Variants in CSDE1 observed in about 807,000 individuals in gnomAD.
CSDE1 encodes cold shock domain containing E1.
A neutral mutation model predicts 89.3 loss-of-function variants in CSDE1; 17 were observed. That is an observed-to-expected ratio of 0.19 (90% CI 0.13 to 0.29). CSDE1 has a LOEUF of 0.29. CSDE1 is among the 10% of genes least tolerant of loss of function. The pLI, the probability that CSDE1 is intolerant of heterozygous loss-of-function variation, is 1.00. For synonymous variants in CSDE1, 322 were observed against 332.8 expected, an observed-to-expected ratio of 0.97 and a Z score of 0.35; for missense variants, 672 against 984.2, an observed-to-expected ratio of 0.68 and a Z score of 4.24.
intron 2 of CSDE1, among the ~76,000 whole-genome samples, chr1:114,743,118 G>T (rs1352737603): frequency 2.0e-5 from 3 of 152,120 alleles, no homozygotes; most frequent in Non-Finnish European, 4.4e-5. Context: ...CTTTCAAGCT[G>T]TGCTTCTTTC....
intron 4 of CSDE1, 109 bp downstream of exon 4, chr1:114,737,842 CTTTATATACTAT>C: frequency 1.4e-6 from 1 of 711,602 alleles, no homozygotes; most frequent in Admixed American, 2.6e-5. Flanking sequence ...AAATAGTAAT[CTTTATATACTAT>C]AGCTCTCTTT....
At chr1:114,750,305 C>G (rs1298209756) in intron 1 of CSDE1, 98 bp from the exon 2 acceptor site, 3 of 152,184 alleles carry the variant, frequency 2.0e-5, no homozygotes, top group African/African-American at 7.2e-5. Flanking sequence ...AACTTAGAAT[C>G]ATGGGTCATG....
At chr1:114,721,625 C>T (rs1321452727) in intron 16 of CSDE1, among the ~76,000 whole-genome samples, 1 of 152,160 alleles carries the variant, frequency 6.6e-6, no homozygotes, top group Non-Finnish European at 1.5e-5. Context: ...GGGTCTCGCT[C>T]TGCTACCCAG....
At chr1:114,750,558 A>G (rs1029238845) in intron 1 of CSDE1, among the ~76,000 whole-genome samples, 1 of 152,214 alleles carries the variant, frequency 6.6e-6, no homozygotes, top group Admixed American at 6.5e-5. Flanking sequence ...GAGAGCATAG[A>G]CAATCTTGCT....
At chr1:114,732,006 G>T (rs1370812007) in intron 10 of CSDE1, among the ~76,000 whole-genome samples, 1 of 151,992 alleles carries the variant, frequency 6.6e-6, no homozygotes, top group Non-Finnish European at 1.5e-5. Context: ...GTAGAGACGG[G>T]GTTTTACCAT....
At position 114,730,488 on chromosome 1, in the gene CSDE1, T is replaced by C. The variant is rs1475844601; in HGVS notation, c.1191+20A>G. ...AAAGCATCAAGAAACACCTCCCAAC[T>C]TTTCTCAGAAACAACTCACAGGAAC... On this transcript the variant is annotated intron_variant, in intron 11 of 19. Coordinates refer to ENST00000358528, the MANE Select transcript of CSDE1 (RefSeq NM_001007553.3). The C allele has an allele frequency of 1.9e-6, 3 of 1,612,586 alleles. No individual in the cohort carries two copies. Among genetic ancestry groups the C allele is most frequent in the Non-Finnish European group, 2.5e-6 (3 of 1,179,340 alleles).
chr1:114,731,853 C>T (rs1475666048), intron 10 of CSDE1, among the ~76,000 whole-genome samples: 1 of 152,192 alleles, frequency 6.6e-6, no homozygotes, highest in African/African-American at 2.4e-5. Context: ...CTTCCTCTGT[C>T]ACCCAGGTTG....
chr1:114,753,690 G>C (rs1467123652), intron 1 of CSDE1, among the ~76,000 whole-genome samples: 1 of 152,138 alleles, frequency 6.6e-6, no homozygotes, highest in Non-Finnish European at 1.5e-5. Flanking sequence ...GGCCAAGGTG[G>C]GAGGATTGTC....
chr1:114,745,502 CACTT>C (rs1468639262), intron 2 of CSDE1, among the ~76,000 whole-genome samples: 5 of 152,130 alleles, frequency 3.3e-5, no homozygotes, highest in Admixed American at 2.6e-4. Flanking sequence ...GATGAGAAAA[CACTT>C]AGCCATCTTA....
intron 2 of CSDE1, among the ~76,000 whole-genome samples, chr1:114,748,965 G>A (rs535214494): frequency 6.6e-6 from 1 of 152,278 alleles, no homozygotes; most frequent in South Asian, 2.1e-4. Context: ...ATTGGGCCAA[G>A]CCTCCAGCAA....
chr1:114,734,408 A>C, intron 7 of CSDE1, 34 bp downstream of exon 7: 1 of 1,588,438 alleles, frequency 6.3e-7, no homozygotes, highest in Non-Finnish European at 8.6e-7. Flanking sequence ...CAAGTGGCCA[A>C]AGAAAACTCA....
In CSDE1 at chr1:114,732,779, A is replaced by C. The variant is rs1465132021; in HGVS notation, c.875T>G (p.Val292Gly). 1 of 1,614,232 alleles carries C rather than the reference A, an allele frequency of 6.2e-7. No individual in the cohort carries two copies. Among genetic ancestry groups the C allele is most frequent in the South Asian group, 1.1e-5 (1 of 91,090 alleles). Residue 292 changes from valine (V) to glycine (G), a missense_variant, in exon 10 of 20, where the codon GTG becomes GGG. Physicochemically the swap from Val to Gly is moderately radical, Grantham distance 109. Around this residue, in one of 8 missense-constraint regions of CSDE1, gnomAD observed 169 missense variants for 262.9 expected, o/e 0.64. Coordinates refer to ENST00000358528, the MANE Select transcript of CSDE1 (RefSeq NM_001007553.3). ...PLPGRIKVDFVIPKELPFGDK... is the reference protein window; with the variant it reads ...PLPGRIKVDFGIPKELPFGDK... ...TCCAAAGGGAAGTTCTTTAGGGATC[A>C]CAAAGTCAACTTTGATGCGTCCTGG...
At chr1:114,746,055 A>G (rs548572934) in intron 2 of CSDE1, among the ~76,000 whole-genome samples, 1 of 152,254 alleles carries the variant, frequency 6.6e-6, no homozygotes, top group South Asian at 2.1e-4. Context: ...CTACTGATTG[A>G]CAATCAATTT....
chr1:114,720,627 T>C lies in CSDE1; in HGVS notation c.1964A>G (p.Gln655Arg). The C allele has an allele frequency of 6.2e-7, 1 of 1,614,154 alleles. No individual in the cohort carries two copies. The highest frequency in any genetic ancestry group is 8.5e-7 in the Non-Finnish European group (1 of 1,180,022). Reference protein sequence around the residue: ...CLQKGESVKFQLCVLGQNAQT... With the variant: ...CLQKGESVKFRLCVLGQNAQT... ...TGCATTTTGGCCCAGGACACACAAT[T>C]GGAACTTGACGCTCTCCCCTTTCTG... The change falls in exon 17 of 20, where the codon CAA (glutamine) becomes CGA (arginine). Residue 655 changes from glutamine (Q) to arginine (R), a missense_variant. Coordinates refer to ENST00000358528, the MANE Select transcript of CSDE1 (RefSeq NM_001007553.3).
Position 114,728,731 on chromosome 1 carries a change from C to T in CSDE1, c.1356+1527G>A, listed in dbSNP as rs2300664. Among the ~76,000 whole-genome samples, 7 of 152,264 alleles carry T rather than the reference C, an allele frequency of 4.6e-5. No homozygotes were observed. The East Asian group carries it at 1.2e-3, about 25-fold the overall frequency. ...AATTCCTATTATGAGCTAGGTACTT[C>T]GAGGGCTTTTTAAACTATTACACAA... On this transcript the variant is annotated intron_variant, in intron 12 of 19. Coordinates refer to ENST00000358528, the MANE Select transcript of CSDE1 (RefSeq NM_001007553.3).
At chr1:114,736,032 C>T (rs1660383359) in intron 6 of CSDE1, among the ~76,000 whole-genome samples, 2 of 152,122 alleles carry the variant, frequency 1.3e-5, no homozygotes, top group Admixed American at 1.3e-4. Flanking sequence ...CTCCTTATGT[C>T]TCCTTAGCCC....
chr1:114,730,231 A>C, intron 12 of CSDE1, 27 bp downstream of exon 12: 2 of 1,605,732 alleles, frequency 1.2e-6, no homozygotes, highest in Non-Finnish European at 1.7e-6. Context: ...ACAGCTACAA[A>C]AATCATTTGG....
intron 2 of CSDE1, among the ~76,000 whole-genome samples, chr1:114,746,228 G>A (rs2101074321): frequency 6.6e-6 from 1 of 152,214 alleles, no homozygotes; most frequent in South Asian, 2.1e-4. Context: ...ATTCATTAAA[G>A]TGCATTTCAC....
intron 12 of CSDE1, among the ~76,000 whole-genome samples, chr1:114,729,514 CAAAAAAA>C (rs66566286): frequency 1.6e-5 from 2 of 127,218 alleles, no homozygotes; most frequent in East Asian, 4.6e-4. Flanking sequence ...CACACAAAAC[CAAAAAAA>C]AAAAAAAAAA....
Sources: allele counts gnomAD v4.1 joint callset (sites outside exome capture counted in the v4.1 genomes callset), GRCh38; gene constraint gnomAD v4.1.1; regional missense constraint gnomAD v4.1.1; transcripts MANE v1.5; gene names NCBI Gene and HGNC (gene_info 2026-07-23, HGNC 2026-07-21).